The following USP14 variants were observed in gnomAD, a reference collection of about 807,000 sequenced individuals.
The protein encoded by USP14 is ubiquitin specific peptidase 14, also known as ubiquitin carboxyl-terminal hydrolase 14.
Under a neutral mutation model 76.5 loss-of-function variants are expected in USP14, and 38 were observed. The ratio of observed to expected loss-of-function variants is 0.50; its 90% CI spans 0.38 to 0.65. The LOEUF (loss-of-function observed/expected upper bound fraction) is 0.65, where lower values mean the gene tolerates loss of function less well. Among genes scored for constraint, USP14 ranks in the 30% least tolerant of loss-of-function variants. USP14 has a pLI of 0.00. For missense variants in USP14, 467 were observed against 586.5 expected (o/e 0.80, Z 2.10); for synonymous variants, 192 against 191.7 (o/e 1.00, Z -0.01).
At chr18:172,891 C>G (rs1441842316) in intron 3 of USP14, among the ~76,000 whole-genome samples, 7 of 152,134 alleles carry the variant, frequency 4.6e-5, no homozygotes, top group South Asian at 2.1e-4. Context: ...GGAACCCAAA[C>G]TGTAATATCT....
chr18:211,605 C>A lies in USP14; in HGVS notation c.*321C>A. 1 of 193,282 alleles carries A rather than the reference C, an allele frequency of 5.2e-6. No individual in the cohort carries two copies. The highest frequency in any genetic ancestry group is 1.1e-5 in the Non-Finnish European group (1 of 95,090). The allele number at this position is 193,282 out of a possible 1,614,324, so 12.0% of individuals were successfully genotyped here. On this transcript the variant is annotated 3_prime_UTR_variant, in exon 16 of 16. Coordinates refer to ENST00000261601, the MANE Select transcript of USP14 (RefSeq NM_005151.4). Reference sequence around the variant, plus strand: ...CTTCTGTGGTCATTTTTCTTGCTGCCTTTTTCACCCAAGATTCAGCAGTCA... The same window carrying A: ...CTTCTGTGGTCATTTTTCTTGCTGCATTTTTCACCCAAGATTCAGCAGTCA...
At chr18:207,765 TTA>T (rs2143099146) in intron 13 of USP14, among the ~76,000 whole-genome samples, 1 of 152,374 alleles carries the variant, frequency 6.6e-6, no homozygotes, top group South Asian at 2.1e-4. Flanking sequence ...TCATAATGTT[TTA>T]TAGTTTTCAG....
Position 211,144 on chromosome 18 carries a change from A to C in USP14, c.1345A>C (p.Lys449Gln). Residue 449 changes from lysine (K) to glutamine (Q), a missense_variant, in exon 16 of 16, where the codon AAG (lysine) becomes CAG (glutamine). Coordinates refer to ENST00000261601, the MANE Select transcript of USP14 (RefSeq NM_005151.4). The part of the protein sequence containing the change: ...WVKRKQDEWI[K>Q]FDDDKVSIVT... ...TCCCTGTTATTTAGATGAATGGATT[A>C]AGTTTGATGATGACAAAGTCAGCAT... is the stretch of plus-strand genomic sequence containing the variant. 5 of 1,613,008 alleles carry C rather than the reference A, an allele frequency of 3.1e-6. No individual in the cohort carries two copies. The highest frequency in any genetic ancestry group is 4.2e-6 in the Non-Finnish European group (5 of 1,179,444).
At chr18:165,561 C>T (rs755455699) in intron 2 of USP14, among the ~76,000 whole-genome samples, 1 of 152,122 alleles carries the variant, frequency 6.6e-6, no homozygotes, top group Non-Finnish European at 1.5e-5. Flanking sequence ...TATTTTATGT[C>T]AGGCTTTTAT....
chr18:210,612 C>T (rs1910644590), intron 15 of USP14, 119 bp downstream of exon 15: 1 of 577,772 alleles, frequency 1.7e-6, no homozygotes, highest in Non-Finnish European at 2.8e-6. Flanking sequence ...TTCTTGAAGC[C>T]CCAAAGAGCT....
At chr18:173,718 C>T (rs505610) in intron 3 of USP14, among the ~76,000 whole-genome samples, 23,078 of 152,212 alleles carry the variant, frequency 0.15, 2,266 homozygotes, top group Non-Finnish European at 0.23. Context: ...CCACCGCACC[C>T]GGTCTATTAT....
intron 4 of USP14, among the ~76,000 whole-genome samples, chr18:179,737 A>G (rs1598269673): frequency 6.7e-6 from 1 of 149,178 alleles, no homozygotes; most frequent in African/African-American, 2.5e-5. Flanking sequence ...GTAGGCGTGC[A>G]CCATCATGCC....
intron 12 of USP14, among the ~76,000 whole-genome samples, chr18:204,202 A>T (rs1910464138): frequency 6.6e-6 from 1 of 152,158 alleles, no homozygotes; most frequent in African/African-American, 2.4e-5. Flanking sequence ...AATAAAAAAA[A>T]AAAACCATAA....
At chr18:180,632 A>T (rs1909761157) in intron 5 of USP14, among the ~76,000 whole-genome samples, 1 of 152,182 alleles carries the variant, frequency 6.6e-6, no homozygotes, top group Non-Finnish European at 1.5e-5. Context: ...ACTTTCTGTC[A>T]TAGATTTGCT....
At chr18:196,301 G>A (rs1910233029) in intron 6 of USP14, among the ~76,000 whole-genome samples, 1 of 151,670 alleles carries the variant, frequency 6.6e-6, no homozygotes. Flanking sequence ...CGGATCATGA[G>A]GTCAGGAGTT....
chr18:165,693 C>T (rs1051338434), intron 2 of USP14, among the ~76,000 whole-genome samples: 5 of 152,156 alleles, frequency 3.3e-5, no homozygotes, highest in African/African-American at 1.2e-4. Context: ...ATGATTTATA[C>T]ATCAAGCAGA....
intron 6 of USP14, 161 bp from the exon 7 acceptor site, chr18:196,476 A>G (rs889628397): frequency 5.0e-6 from 3 of 599,410 alleles, no homozygotes; most frequent in South Asian, 5.4e-5. Context: ...GTGAGCCGAG[A>G]TCGCGCCACT....
intron 1 of USP14, 183 bp downstream of exon 1, chr18:158,897 T>A: frequency 9.9e-7 from 1 of 1,011,282 alleles, no homozygotes; most frequent in Non-Finnish European, 1.3e-6. Context: ...GAGCCCTGCG[T>A]GGCAGGGGAG....
rs112317506 is a variant in USP14 at position 160,479 on chromosome 18, C to T, written c.16+1765C>T. Among the ~76,000 whole-genome samples the T allele has an allele frequency of 4.6e-3, 696 of 152,196 alleles. 2 individuals carry two copies. The highest frequency in any genetic ancestry group is 0.016 in the African/African-American group (667 of 41,516). On this transcript the variant is annotated intron_variant, in intron 1 of 15. Transcript: ENST00000261601. ...TAGAGGGTGCTGTGATCTGTGATCA[C>T]GCCACTGCACTCCAGCCTGGGTGAC... is the stretch of plus-strand genomic sequence containing the variant.
At chr18:194,372 T>A (rs1469946147) in intron 6 of USP14, among the ~76,000 whole-genome samples, 2 of 152,244 alleles carry the variant, frequency 1.3e-5, no homozygotes, top group African/African-American at 4.8e-5. Flanking sequence ...ATGCGGCTAA[T>A]AGTATTGATG....
intron 3 of USP14, among the ~76,000 whole-genome samples, chr18:174,008 C>G (rs1909551431): frequency 6.6e-6 from 1 of 151,796 alleles, no homozygotes; most frequent in Admixed American, 6.6e-5. Flanking sequence ...AGTTGTTTTT[C>G]TTTTTTAAAG....
chr18:185,801 C>T (rs1367364871), intron 5 of USP14, among the ~76,000 whole-genome samples: 2 of 151,830 alleles, frequency 1.3e-5, no homozygotes, highest in African/African-American at 4.8e-5. Context: ...CTCAAGGATC[C>T]TCCTGACTTG....
At chr18:181,283 T>C (rs1278183296) in intron 5 of USP14, among the ~76,000 whole-genome samples, 5 of 152,316 alleles carry the variant, frequency 3.3e-5, no homozygotes, top group Non-Finnish European at 2.9e-5. Flanking sequence ...GCCACAATGA[T>C]TTTCCAAAGT....
intron 5 of USP14, among the ~76,000 whole-genome samples, chr18:188,694 T>G (rs1052319733): frequency 2.0e-4 from 31 of 152,134 alleles, no homozygotes; most frequent in Non-Finnish European, 4.4e-4. Flanking sequence ...TTATTTTATT[T>G]TGAGACAGAG....
Sources: gnomAD v4.1 joint callset for allele counts (sites outside exome capture counted in the v4.1 genomes callset) on GRCh38, gnomAD v4.1.1 for gene constraint, MANE v1.5 for transcripts, NCBI Gene and HGNC (gene_info 2026-07-23, HGNC 2026-07-21) for gene names.